Variants in ELMO1 observed in about 807,000 individuals in gnomAD.
ELMO1 encodes the protein engulfment and cell motility 1.
ELMO1 carries 26 observed loss-of-function variants against 98.9 expected under a neutral mutation model. The ratio of observed to expected loss-of-function variants is 0.26; its 90% confidence interval spans 0.19 to 0.36. The LOEUF is 0.36. Ranked by LOEUF, ELMO1 falls within the 10% of genes least tolerant of loss-of-function variation. The probability of loss-of-function intolerance (pLI) is 1.00; values close to 1 mark genes in which losing one functional copy is unlikely to be tolerated. For synonymous variants in ELMO1, 346 were observed against 346.0 expected, an observed-to-expected ratio of 1.00 and a Z score of 0.00; for missense variants, 627 against 935.2, an observed-to-expected ratio of 0.67 and a Z score of 4.30.
At chr7:37,225,739 C>T (rs1793835483) in intron 8 of ELMO1, among the ~76,000 whole-genome samples, 1 of 152,190 alleles carries the variant, frequency 6.6e-6, no homozygotes, top group Non-Finnish European at 1.5e-5. Flanking sequence ...AATCCCCAAA[C>T]ATAATAAATC....
At chr7:37,394,735 A>T in intron 1 of ELMO1, among the ~76,000 whole-genome samples, 1 of 152,164 alleles carries the variant, frequency 6.6e-6, no homozygotes, top group Non-Finnish European at 1.5e-5. Flanking sequence ...GAGAGTTATC[A>T]GGAGGGCCTG....
intron 15 of ELMO1, among the ~76,000 whole-genome samples, chr7:37,074,766 G>A (rs1233284144): frequency 6.6e-6 from 1 of 152,230 alleles, no homozygotes; most frequent in Non-Finnish European, 1.5e-5. Context: ...AGAGTCAGAA[G>A]TGAGGAGGTT....
At chr7:37,270,434 G>A (rs561328056) in intron 5 of ELMO1, 8 of 152,164 alleles carry the variant, frequency 5.3e-5, no homozygotes, top group Non-Finnish European at 7.4e-5. Flanking sequence ...AGTACCCACA[G>A]CTTAATTTTA....
At chr7:37,157,362 G>C (rs1035089924) in intron 13 of ELMO1, among the ~76,000 whole-genome samples, 1 of 152,206 alleles carries the variant, frequency 6.6e-6, no homozygotes, top group African/African-American at 2.4e-5. Flanking sequence ...ATTAGGAAAA[G>C]AGGAAGTCAA....
At chr7:37,062,870 A>C (rs1293617684) in intron 15 of ELMO1, among the ~76,000 whole-genome samples, 2 of 152,212 alleles carry the variant, frequency 1.3e-5, no homozygotes, top group African/African-American at 4.8e-5. Flanking sequence ...AGACAGTTGC[A>C]TGAGCAGCTC....
intron 7 of ELMO1, among the ~76,000 whole-genome samples, 154 bp downstream of exon 7, chr7:37,244,202 T>C (rs1347211848): frequency 7.2e-5 from 11 of 152,152 alleles, no homozygotes; most frequent in South Asian, 4.1e-4. Flanking sequence ...AAGTTGTTTA[T>C]AAAAGAACAT....
chr7:37,041,032 A>G (rs1017589784), intron 15 of ELMO1, among the ~76,000 whole-genome samples: 2 of 152,198 alleles, frequency 1.3e-5, no homozygotes, highest in African/African-American at 4.8e-5. Flanking sequence ...GTGAGCCGAG[A>G]TCATGCCACT....
chr7:37,420,060 A>C (rs1009401885), intron 1 of ELMO1, among the ~76,000 whole-genome samples: 1 of 152,304 alleles, frequency 6.6e-6, no homozygotes, highest in Non-Finnish European at 1.5e-5. Flanking sequence ...CGATTTACAC[A>C]TACCTAATAC....
chr7:37,126,300 A>AAAATATAT (rs528749767), intron 14 of ELMO1, among the ~76,000 whole-genome samples: 1 of 134,128 alleles, frequency 7.5e-6, no homozygotes, highest in Non-Finnish European at 1.6e-5. Flanking sequence ...GTATAATTTA[A>AAAATATAT]ATATATATAT....
intron 16 of ELMO1, among the ~76,000 whole-genome samples, chr7:36,925,578 T>A (rs1746106269): frequency 6.6e-6 from 1 of 152,194 alleles, no homozygotes; most frequent in African/African-American, 2.4e-5. Context: ...CCGTTTCAAT[T>A]TTCCTGGGGC....
intron 2 of ELMO1, among the ~76,000 whole-genome samples, chr7:37,316,804 G>C (rs1343613187): frequency 6.6e-6 from 1 of 152,092 alleles, no homozygotes; most frequent in Non-Finnish European, 1.5e-5. Flanking sequence ...GACAATACAT[G>C]GTCCTGGATT....
chr7:37,179,860 C>G (rs1035110831), intron 13 of ELMO1, among the ~76,000 whole-genome samples: 1 of 152,036 alleles, frequency 6.6e-6, no homozygotes, highest in Non-Finnish European at 1.5e-5. Context: ...AGTTACACAG[C>G]GAGGTAAAGA....
intron 13 of ELMO1, among the ~76,000 whole-genome samples, chr7:37,177,544 G>C (rs1790561452): frequency 6.6e-6 from 1 of 152,184 alleles, no homozygotes; most frequent in Non-Finnish European, 1.5e-5. Context: ...TCCTTCTAAA[G>C]ACTGACTTTA....
chr7:37,014,047 C>T (rs1303727839), intron 15 of ELMO1, among the ~76,000 whole-genome samples: 2 of 152,066 alleles, frequency 1.3e-5, no homozygotes, highest in Non-Finnish European at 2.9e-5. Flanking sequence ...GCTTTGAAGG[C>T]GGCAACTGGT....
At chr7:37,050,756 T>A (rs1222496278) in intron 15 of ELMO1, among the ~76,000 whole-genome samples, 2 of 145,692 alleles carry the variant, frequency 1.4e-5, no homozygotes, top group African/African-American at 2.6e-5. Flanking sequence ...ACACCTTAAA[T>A]ACATACAATT....
intron 1 of ELMO1, among the ~76,000 whole-genome samples, chr7:37,382,043 C>T (rs566644709): frequency 1.1e-3 from 168 of 152,234 alleles, no homozygotes; most frequent in African/African-American, 3.7e-3. Flanking sequence ...TTCATTCTAA[C>T]TCACTCTTCT....
chr7:37,259,486 C>G, intron 5 of ELMO1, 136 bp from the exon 6 acceptor site: 1 of 948,060 alleles, frequency 1.1e-6, no homozygotes. Context: ...GTGGGCATCT[C>G]AACGACAGGC....
chr7:37,003,365 G>GAAAGA (rs774619694), intron 16 of ELMO1, among the ~76,000 whole-genome samples: 3 of 152,094 alleles, frequency 2.0e-5, no homozygotes, highest in African/African-American at 4.8e-5. Flanking sequence ...TCAAATACAA[G>GAAAGA]AAAGAAAAGA....
intron 5 of ELMO1, among the ~76,000 whole-genome samples, chr7:37,265,587 C>T (rs944516999): frequency 6.6e-6 from 1 of 152,090 alleles, no homozygotes; most frequent in African/African-American, 2.4e-5. Flanking sequence ...AGTGTCTCCA[C>T]CATGCTATTA....
Sources: gnomAD v4.1 joint callset for allele counts (sites outside exome capture counted in the v4.1 genomes callset) on GRCh38, gnomAD v4.1.1 for gene constraint, MANE v1.5 for transcripts, NCBI Gene and HGNC (gene_info 2026-07-23, HGNC 2026-07-21) for gene names.